The following NKAIN2 variants were observed in gnomAD, a reference collection of about 807,000 sequenced individuals.
NKAIN2 encodes sodium/potassium-transporting ATPase subunit beta-1-interacting protein 2.
A neutral mutation model predicts 32.6 loss-of-function variants in NKAIN2; 14 were observed. The ratio of observed to expected loss-of-function variants is 0.43; its 90% CI spans 0.28 to 0.67. The LOEUF (loss-of-function observed/expected upper bound fraction) is 0.67, where lower values mean the gene tolerates loss of function less well. NKAIN2 is among the 30% of genes least tolerant of loss of function. The pLI is 0.17. For synonymous variants in NKAIN2, 80 were observed against 87.2 expected, an observed-to-expected ratio of 0.92 and a Z score of 0.46; for missense variants, 198 against 258.3, an observed-to-expected ratio of 0.77 and a Z score of 1.60.
chr6:124,481,406 A>T (rs1777445858), intron 3 of NKAIN2, among the ~76,000 whole-genome samples: 1 of 152,040 alleles, frequency 6.6e-6, no homozygotes, highest in South Asian at 2.1e-4. Flanking sequence ...AAACACAGAT[A>T]TTATTACTCT....
chr6:124,441,362 A>G (rs1272968161), intron 3 of NKAIN2, among the ~76,000 whole-genome samples: 1 of 152,086 alleles, frequency 6.6e-6, no homozygotes, highest in East Asian at 1.9e-4. Context: ...ACAGTCCTTC[A>G]CCAAAAAGTG....
intron 1 of NKAIN2, among the ~76,000 whole-genome samples, chr6:124,244,205 G>A (rs1243503050): frequency 6.7e-6 from 1 of 149,766 alleles, no homozygotes. Context: ...TCGTCATCTA[G>A]CATTAGGTAT....
intron 1 of NKAIN2, among the ~76,000 whole-genome samples, chr6:123,971,387 C>T (rs939143583): frequency 4.6e-5 from 7 of 151,726 alleles, no homozygotes; most frequent in East Asian, 3.8e-4. Flanking sequence ...TATTTTAATA[C>T]GGATTTGTAT....
intron 1 of NKAIN2, among the ~76,000 whole-genome samples, chr6:123,877,001 T>C (rs1224921980): frequency 1.3e-5 from 2 of 152,194 alleles, no homozygotes; most frequent in Non-Finnish European, 2.9e-5. Flanking sequence ...CCCAAAATAT[T>C]GATAATGTTA....
At chr6:124,784,587 T>G (rs1219802347) in intron 4 of NKAIN2, among the ~76,000 whole-genome samples, 3 of 152,180 alleles carry the variant, frequency 2.0e-5, no homozygotes, top group Non-Finnish European at 2.9e-5. Flanking sequence ...CTGAGTAATA[T>G]TTCATGGTAT....
chr6:123,985,454 A>G (rs1282843225), intron 1 of NKAIN2, among the ~76,000 whole-genome samples: 1 of 152,188 alleles, frequency 6.6e-6, no homozygotes, highest in Non-Finnish European at 1.5e-5. Context: ...AATCAATTCT[A>G]TAAAGTTAAG....
At chr6:124,105,500 T>C (rs1315238297) in intron 1 of NKAIN2, among the ~76,000 whole-genome samples, 4 of 152,168 alleles carry the variant, frequency 2.6e-5, no homozygotes, top group African/African-American at 9.7e-5. Flanking sequence ...AAGACTGTAG[T>C]TGAGACTACA....
At chr6:124,134,708 G>A (rs915394201) in intron 1 of NKAIN2, among the ~76,000 whole-genome samples, 4 of 151,932 alleles carry the variant, frequency 2.6e-5, no homozygotes, top group African/African-American at 9.7e-5. Flanking sequence ...CAAAAAGTTT[G>A]GTAAACTTAT....
At chr6:124,414,456 A>G (rs1041689000) in intron 3 of NKAIN2, among the ~76,000 whole-genome samples, 3 of 152,160 alleles carry the variant, frequency 2.0e-5, no homozygotes, top group African/African-American at 4.8e-5. Flanking sequence ...ATATTGGTCT[A>G]TAATTTTCGT....
chr6:124,359,255 G>A lies in NKAIN2; in HGVS notation c.273+3908G>A, dbSNP rs557472390. ...GGCTTAGGATTGACTTGGCAATGTG[G>A]GCTCTTTTTTGTTCCATATGAACTT... On this transcript the variant is annotated intron_variant, in intron 3 of 6. Transcript: ENST00000368417. Among the ~76,000 whole-genome samples the A allele has an allele frequency of 1.8e-4, 27 of 147,264 alleles. 1 individual carries two copies. The highest frequency in any genetic ancestry group is 6.3e-4 in the African/African-American group (26 of 41,312).
At chr6:124,021,581 T>C (rs1780867202) in intron 1 of NKAIN2, among the ~76,000 whole-genome samples, 1 of 152,030 alleles carries the variant, frequency 6.6e-6, no homozygotes, top group South Asian at 2.1e-4. Context: ...AGAAGGCAAC[T>C]TTTATATTCT....
At chr6:124,243,210 G>C (rs1582912237) in intron 1 of NKAIN2, among the ~76,000 whole-genome samples, 1 of 151,872 alleles carries the variant, frequency 6.6e-6, no homozygotes, top group East Asian at 1.9e-4. Context: ...GAAGATGTTG[G>C]TTGGCTGGGT....
intron 4 of NKAIN2, among the ~76,000 whole-genome samples, chr6:124,687,089 G>A (rs75917801): frequency 0.068 from 10,265 of 151,536 alleles, 534 homozygotes; most frequent in African/African-American, 0.14. Context: ...ACAGCCTATT[G>A]TGGGACCTTG....
At chr6:124,663,329 G>A (rs1337443126) in intron 4 of NKAIN2, among the ~76,000 whole-genome samples, 8 of 151,976 alleles carry the variant, frequency 5.3e-5, no homozygotes, top group Non-Finnish European at 1.0e-4. Flanking sequence ...TACTCAGGAG[G>A]CTAAGGCAGG....
chr6:124,217,453 G>A (rs1470973778), intron 1 of NKAIN2, among the ~76,000 whole-genome samples: 1 of 151,892 alleles, frequency 6.6e-6, no homozygotes, highest in South Asian at 2.1e-4. Flanking sequence ...AAGTCTTTCA[G>A]GGGGTGTTTT....
At chr6:124,170,395 A>G (rs188302058) in intron 1 of NKAIN2, among the ~76,000 whole-genome samples, 132 of 152,224 alleles carry the variant, frequency 8.7e-4, no homozygotes, top group African/African-American at 3.2e-3. Context: ...TTCCATAGAT[A>G]TTTTTTTCTA....
intron 3 of NKAIN2, among the ~76,000 whole-genome samples, chr6:124,427,628 A>C (rs187612098): frequency 3.9e-5 from 6 of 152,296 alleles, no homozygotes; most frequent in Admixed American, 3.9e-4. Flanking sequence ...AATAGTATCA[A>C]CTACATAGCT....
intron 3 of NKAIN2, among the ~76,000 whole-genome samples, chr6:124,500,706 A>G (rs1778256339): frequency 6.6e-6 from 1 of 151,794 alleles, no homozygotes; most frequent in Non-Finnish European, 1.5e-5. Context: ...ATAAAATAAA[A>G]TGGGAAGATA....
At chr6:124,291,012 C>T (rs1795789534) in intron 2 of NKAIN2, among the ~76,000 whole-genome samples, 2 of 151,978 alleles carry the variant, frequency 1.3e-5, no homozygotes, top group Admixed American at 6.6e-5. Flanking sequence ...TCTTAAATTC[C>T]ATCTATTATC....
Sources: allele counts gnomAD v4.1 joint callset (sites outside exome capture counted in the v4.1 genomes callset), GRCh38; gene constraint gnomAD v4.1.1; transcripts MANE v1.5; gene names NCBI Gene and HGNC (gene_info 2026-07-23, HGNC 2026-07-21).